INPP1: variants seen among roughly 807,000 people sequenced by gnomAD.
INPP1 encodes the protein inositol polyphosphate 1-phosphatase.
Under a neutral mutation model 23.0 loss-of-function variants are expected in INPP1, and 18 were observed. That is an observed-to-expected ratio of 0.78 (90% CI 0.54 to 1.16). INPP1 has a LOEUF of 1.16. Ranked by LOEUF, INPP1 falls within the 50% of genes most tolerant of loss-of-function variation. The pLI, the probability that INPP1 is intolerant of heterozygous loss-of-function variation, is 0.00. For synonymous variants in INPP1, 164 were observed against 176.3 expected, an observed-to-expected ratio of 0.93 and a Z score of 0.55; for missense variants, 448 against 482.1, an observed-to-expected ratio of 0.93 and a Z score of 0.66.
At chr2:190,365,827 A>G (rs1689634163) in intron 4 of INPP1, among the ~76,000 whole-genome samples, 1 of 138,500 alleles carries the variant, frequency 7.2e-6, no homozygotes, top group Non-Finnish European at 1.6e-5. Context: ...CTCTGTCTCA[A>G]TCTTTGTCTC....
intron 2 of INPP1, among the ~76,000 whole-genome samples, chr2:190,351,175 C>T (rs547271406): frequency 6.6e-6 from 1 of 152,170 alleles, no homozygotes; most frequent in African/African-American, 2.4e-5. Context: ...ACAAGTAAAC[C>T]AATGCATAGA....
Position 190,360,039 on chromosome 2 carries a change from C to T in INPP1, c.-64C>T. ...CTTTCACATTCTTGTATTTTTCCAG[C>T]TGACGGCCCAGAGGGTGGGTGCCAA... On this transcript the variant is annotated splice_region_variant and 5_prime_UTR_variant, in exon 3 of 7. Coordinates refer to ENST00000392329, the MANE Select transcript of INPP1 (RefSeq NM_001128928.2). 1 of 1,522,270 alleles carries T rather than the reference C, an allele frequency of 6.6e-7. No individual in the cohort carries two copies. The highest frequency in any genetic ancestry group is 9.1e-7 in the Non-Finnish European group (1 of 1,101,270). 94.3% of individuals were successfully genotyped at this position (1,522,270 alleles called of 1,614,324 possible).
intron 3 of INPP1, among the ~76,000 whole-genome samples, 178 bp downstream of exon 3, chr2:190,360,484 T>C (rs1250869645): frequency 6.6e-6 from 1 of 152,156 alleles, no homozygotes; most frequent in Non-Finnish European, 1.5e-5. Flanking sequence ...AAATGTTCAT[T>C]GCAGGAAATC....
rs1011820666 is a variant in INPP1, at chr2:190,346,516, A to G, written c.-208-2372A>G. On this transcript the variant is annotated intron_variant, in intron 1 of 6. Coordinates refer to ENST00000392329, the MANE Select transcript of INPP1 (RefSeq NM_001128928.2). This position sits in a 1 kb window ranked among gnomAD's most constrained non-coding sequence, Gnocchi z 5.1. Reference sequence around the variant, plus strand: ...ATGTAATGTTAATTCAATTTCTTGAATGTGATAAGAGCATTTTATTAATGG... The same window carrying G: ...ATGTAATGTTAATTCAATTTCTTGAGTGTGATAAGAGCATTTTATTAATGG... 6.6e-5 allele frequency among the ~76,000 whole-genome samples: 10 copies of G among 152,302 alleles called. No individual in the cohort carries two copies. The East Asian group carries it at 1.9e-3, about 29-fold the overall frequency.
Position 190,346,846 on chromosome 2 carries a change from C to T in INPP1, c.-208-2042C>T, listed in dbSNP as rs1396872939. Among the ~76,000 whole-genome samples, 1 of 151,976 alleles carries T rather than the reference C, an allele frequency of 6.6e-6. No individual in the cohort carries two copies. Among genetic ancestry groups the T allele is most frequent in the African/African-American group, 2.4e-5 (1 of 41,334 alleles). Reference sequence around the variant, plus strand: ...TCTCAAACTCCTGGGCTCATGACATCCTCCTGCCTCAGCCTCCCAAAATGC... The same window carrying T: ...TCTCAAACTCCTGGGCTCATGACATTCTCCTGCCTCAGCCTCCCAAAATGC... On this transcript the variant is annotated intron_variant, in intron 1 of 6. Transcript: ENST00000392329. This position sits in a 1 kb window ranked among gnomAD's most constrained non-coding sequence, Gnocchi z 5.1.
At position 190,366,693 on chromosome 2, in the gene INPP1, A is replaced by T; in HGVS notation, c.266-2A>T. ...ATGGCTTATCGTGTGGCTTTACCCT[A>T]GGGGAAAAGATTACCTTGAGGTTGT... On this transcript the variant is annotated splice_acceptor_variant, in intron 4 of 6. Coordinates refer to ENST00000392329, the MANE Select transcript of INPP1 (RefSeq NM_001128928.2). LOFTEE classifies it high-confidence loss of function. 1 of 1,599,728 alleles carries T rather than the reference A, an allele frequency of 6.3e-7. No individual in the cohort carries two copies. The highest frequency in any genetic ancestry group is 8.6e-7 in the Non-Finnish European group (1 of 1,167,100).
In INPP1 at chr2:190,345,500, T is replaced by C. The variant is rs1483890087; in HGVS notation, c.-209+1539T>C. ...AAATGTCTCATTCTATTTCATGTTA[T>C]ACAGAAATTGCTTAAAAGATAATTA... On this transcript the variant is annotated intron_variant, in intron 1 of 6. Transcript: ENST00000392329. This position sits in a 1 kb window ranked among gnomAD's most constrained non-coding sequence, Gnocchi z 4.9. The C allele has an allele frequency of 6.6e-6, 1 of 152,268 alleles. No individual in the cohort carries two copies. The highest frequency in any genetic ancestry group is 6.5e-5 in the Admixed American group (1 of 15,294). 9.4% of individuals were successfully genotyped at this position (152,268 alleles called of 1,614,324 possible).
rs1689153517 is a variant in INPP1, at chr2:190,343,590, C to T, written c.-580C>T. The T allele has an allele frequency of 6.6e-6, 1 of 152,222 alleles. No homozygotes were observed. The highest frequency in any genetic ancestry group is 6.5e-5 in the Admixed American group (1 of 15,288). 9.4% of individuals were successfully genotyped at this position (152,222 alleles called of 1,614,324 possible). On this transcript the variant is annotated 5_prime_UTR_variant, in exon 1 of 7. Transcript: ENST00000392329. Reference sequence around the variant, plus strand: ...CCTCCCTCTGAATCATCGCGCTCCACTTGTGACGTCGCGGACGCCCGGCTC... The same window carrying T: ...CCTCCCTCTGAATCATCGCGCTCCATTTGTGACGTCGCGGACGCCCGGCTC...
intron 2 of INPP1, among the ~76,000 whole-genome samples, chr2:190,349,727 T>C (rs1336325586): frequency 2.6e-5 from 3 of 116,492 alleles, no homozygotes; most frequent in Non-Finnish European, 3.6e-5. Flanking sequence ...TATACTGTAG[T>C]TGGAACACAG....
At chr2:190,349,995 C>T (rs943013817) in intron 2 of INPP1, among the ~76,000 whole-genome samples, 2 of 152,184 alleles carry the variant, frequency 1.3e-5, no homozygotes, top group African/African-American at 4.8e-5. Context: ...CAGGCATGCG[C>T]CACCACGCCT....
intron 2 of INPP1, among the ~76,000 whole-genome samples, chr2:190,350,883 G>C (rs1316577160): frequency 1.3e-5 from 2 of 152,200 alleles, no homozygotes; most frequent in East Asian, 3.8e-4. Context: ...TTTAGATTCT[G>C]ATTTGGTGCT....
Position 190,356,293 on chromosome 2 carries a change from C to T in INPP1, c.-64-3746C>T, listed in dbSNP as rs889789579. ...ATGACAGTGTTGCCTAGGGCCAAAA[C>T]GAAGAGTGAACTCTGGGATAACCTT... is the stretch of plus-strand genomic sequence containing the variant. On this transcript the variant is annotated intron_variant, in intron 2 of 6. Coordinates refer to ENST00000392329, the MANE Select transcript of INPP1 (RefSeq NM_001128928.2). This position sits in a 1 kb window ranked among gnomAD's most constrained non-coding sequence, Gnocchi z 6.4. Among the ~76,000 whole-genome samples, 13 of 152,124 alleles carry T rather than the reference C, an allele frequency of 8.5e-5. No homozygotes were observed. The highest frequency in any genetic ancestry group is 2.6e-4 in the Admixed American group (4 of 15,268).
chr2:190,347,007 C>A (rs1575781898), intron 1 of INPP1, among the ~76,000 whole-genome samples: 1 of 116,042 alleles, frequency 8.6e-6, no homozygotes. Flanking sequence ...TTATTAGTAG[C>A]TTTTTTTTTT....
chr2:190,356,323 C>T lies in INPP1; in HGVS notation c.-64-3716C>T, dbSNP rs1421666562. Among the ~76,000 whole-genome samples, 1 of 152,188 alleles carries T rather than the reference C, an allele frequency of 6.6e-6. No homozygotes were observed. The highest frequency in any genetic ancestry group is 2.4e-5 in the African/African-American group (1 of 41,458). ...AGTGAACTCTGGGATAACCTTGGAA[C>T]TGAAAAACCTGATTATTGTGTTATG... On this transcript the variant is annotated intron_variant, in intron 2 of 6. Transcript: ENST00000392329. The surrounding 1 kb of genome is among the most constrained non-coding windows in gnomAD (Gnocchi z 6.4).
Position 190,363,160 on chromosome 2 carries a change from C to A in INPP1, c.265+473C>A, listed in dbSNP as rs1354623020. 6.6e-6 allele frequency among the ~76,000 whole-genome samples: 1 copy of A among 152,192 alleles called. No homozygotes were observed. Among genetic ancestry groups the A allele is most frequent in the Non-Finnish European group, 1.5e-5 (1 of 68,044 alleles). On this transcript the variant is annotated intron_variant, in intron 4 of 6. Coordinates refer to ENST00000392329, the MANE Select transcript of INPP1 (RefSeq NM_001128928.2). The surrounding 1 kb of genome is among the most constrained non-coding windows in gnomAD (Gnocchi z 4.4). ...TGTGATCTTGAGCAAATTAACTCAT[C>A]ATTTCTCTAAGTCTCAGAACCTCTG...
Position 190,354,189 on chromosome 2 carries a change from C to T in INPP1, c.-65+5158C>T, listed in dbSNP as rs1689373841. Reference sequence around the variant, plus strand: ...ATTACTTGGCTGTTAAAGCGAATAGCTTTTAGTGGGAACGACTGCCTCACA... The same window carrying T: ...ATTACTTGGCTGTTAAAGCGAATAGTTTTTAGTGGGAACGACTGCCTCACA... On this transcript the variant is annotated intron_variant, in intron 2 of 6. Transcript: ENST00000392329. The surrounding 1 kb of genome is among the most constrained non-coding windows in gnomAD (Gnocchi z 4.8). Among the ~76,000 whole-genome samples, 1 of 152,186 alleles carries T rather than the reference C, an allele frequency of 6.6e-6. No individual in the cohort carries two copies. Among genetic ancestry groups the T allele is most frequent in the Non-Finnish European group, 1.5e-5 (1 of 68,032 alleles).
At chr2:190,369,811 G>C (rs1156657762) in intron 6 of INPP1, among the ~76,000 whole-genome samples, 1 of 152,212 alleles carries the variant, frequency 6.6e-6, no homozygotes, top group Non-Finnish European at 1.5e-5. Flanking sequence ...AAAGTGGCCA[G>C]GACTCAGCTG....
In INPP1 at chr2:190,355,344, G is replaced by A. The variant is rs541217134; in HGVS notation, c.-64-4695G>A. ...AACCTATCTCTGCACAAGAATAACAGATAGCAAAACCATTGTACCTACATT... is the reference window on the plus strand; with the variant it reads ...AACCTATCTCTGCACAAGAATAACAAATAGCAAAACCATTGTACCTACATT... On this transcript the variant is annotated intron_variant, in intron 2 of 6. Transcript: ENST00000392329. The surrounding 1 kb of genome is among the most constrained non-coding windows in gnomAD (Gnocchi z 5.1). Among the ~76,000 whole-genome samples the A allele has an allele frequency of 4.3e-4, 65 of 152,272 alleles. No individual in the cohort carries two copies. Among genetic ancestry groups the A allele is most frequent in the African/African-American group, 1.4e-3 (60 of 41,556 alleles).
chr2:190,354,948 A>AT lies in INPP1; in HGVS notation c.-64-5077dup, dbSNP rs11286107. Among the ~76,000 whole-genome samples the AT allele has an allele frequency of 0.015, 2,203 of 142,626 alleles. 70 individuals carry two copies. Among genetic ancestry groups the AT allele is most frequent in the Admixed American group, 0.074 (1,053 of 14,306 alleles). 93.6% of individuals were successfully genotyped at this position (142,626 alleles called of 152,430 possible). On this transcript the variant is annotated intron_variant, in intron 2 of 6. Transcript: ENST00000392329. The surrounding 1 kb of genome is among the most constrained non-coding windows in gnomAD (Gnocchi z 4.8). ...GGGGTGTGTGTGTGTGTGTGTGTGC[A>AT]TTTTTTTTTTTTTTGCTATATAATG...
Sources: gnomAD v4.1 joint callset for allele counts (sites outside exome capture counted in the v4.1 genomes callset) on GRCh38, gnomAD v4.1.1 for gene constraint, Gnocchi (gnomAD v3.1) non-coding constraint, MANE v1.5 for transcripts, NCBI Gene and HGNC (gene_info 2026-07-23, HGNC 2026-07-21) for gene names.